TRIM36: variants seen among roughly 807,000 people sequenced by gnomAD.
TRIM36 encodes the protein tripartite motif containing 36.
TRIM36 carries 42 observed loss-of-function variants against 72.4 expected under a neutral mutation model. The observed-to-expected ratio is 0.58, with a 90% CI of 0.45 to 0.75. TRIM36 has a LOEUF of 0.75. Ranked by LOEUF, TRIM36 falls within the 30% of genes least tolerant of loss-of-function variation. The pLI, the probability that TRIM36 is intolerant of heterozygous loss-of-function variation, is 0.00. For missense variants in TRIM36, 913 were observed against 857.1 expected, an observed-to-expected ratio of 1.07 and a Z score of -0.81; for synonymous variants, 315 against 282.8, an observed-to-expected ratio of 1.11 and a Z score of -1.14.
intron 2 of TRIM36, among the ~76,000 whole-genome samples, chr5:115,160,464 T>A (rs1304162803): frequency 2.0e-5 from 3 of 152,218 alleles, no homozygotes; most frequent in African/African-American, 7.2e-5. Flanking sequence ...CTAGCCACAT[T>A]TCAACCACTT....
chr5:115,154,367 G>GAA (rs939300088), intron 2 of TRIM36, among the ~76,000 whole-genome samples: 1 of 141,748 alleles, frequency 7.1e-6, no homozygotes, highest in African/African-American at 2.6e-5. Flanking sequence ...TGAAACAAAT[G>GAA]AAAAAAAAAA....
chr5:115,143,432 C>T (rs748085392), intron 4 of TRIM36, among the ~76,000 whole-genome samples: 5 of 151,450 alleles, frequency 3.3e-5, no homozygotes, highest in Non-Finnish European at 7.4e-5. Context: ...CAAAACTATC[C>T]AATAGCTGGC....
At chr5:115,145,240 G>C (rs1249359109) in intron 3 of TRIM36, among the ~76,000 whole-genome samples, 1 of 152,190 alleles carries the variant, frequency 6.6e-6, no homozygotes, top group Non-Finnish European at 1.5e-5. Flanking sequence ...TAAGCTTCTA[G>C]ATGTGTTTCC....
intron 2 of TRIM36, chr5:115,149,516 TC>T (rs1240521606): frequency 8.7e-6 from 1 of 114,940 alleles, no homozygotes; most frequent in Non-Finnish European, 1.7e-5. Flanking sequence ...GACAACAAAA[TC>T]AAGCTTTAAC....
At chr5:115,165,001 T>C (rs970978431) in intron 1 of TRIM36, among the ~76,000 whole-genome samples, 8 of 152,220 alleles carry the variant, frequency 5.3e-5, no homozygotes, top group Admixed American at 1.3e-4. Context: ...AGGACAGTTA[T>C]TAAGTCATAA....
intron 1 of TRIM36, among the ~76,000 whole-genome samples, chr5:115,165,703 C>A (rs1754728693): frequency 6.6e-6 from 1 of 152,170 alleles, no homozygotes; most frequent in Non-Finnish European, 1.5e-5. Flanking sequence ...GCCCTTCTCC[C>A]TTCCGAGTTG....
chr5:115,175,517 C>T (rs1755290903), intron 1 of TRIM36, among the ~76,000 whole-genome samples: 2 of 152,210 alleles, frequency 1.3e-5, no homozygotes, highest in African/African-American at 4.8e-5. Context: ...TACTAAAAAG[C>T]CAGGATTCAA....
chr5:115,136,808 A>C (rs1386869769), intron 7 of TRIM36, among the ~76,000 whole-genome samples, 192 bp downstream of exon 7: 1 of 152,200 alleles, frequency 6.6e-6, no homozygotes, highest in African/African-American at 2.4e-5. Flanking sequence ...ACACAAACTA[A>C]TGGAACATAG....
intron 7 of TRIM36, among the ~76,000 whole-genome samples, chr5:115,135,326 T>A (rs1432928222): frequency 1.3e-5 from 2 of 152,188 alleles, no homozygotes; most frequent in East Asian, 3.9e-4. Context: ...CTGTGTATGC[T>A]GCATTTATAC....
chr5:115,160,824 TAACA>T lies in TRIM36; in HGVS notation c.262+2690_262+2693del, dbSNP rs1194488062. On this transcript the variant is annotated intron_variant, in intron 2 of 9. Transcript: ENST00000513154. Reference sequence around the variant, plus strand: ...TCAAGCCATTGCACTCCAGCCCAGGTAACAAACAGAGTGAGACCCTGTCTCAAAT... The same window carrying T: ...TCAAGCCATTGCACTCCAGCCCAGGTAACAGAGTGAGACCCTGTCTCAAAT... Among the ~76,000 whole-genome samples, 30 of 152,106 alleles carry T rather than the reference TAACA, an allele frequency of 2.0e-4. 1 individual carries two copies. Among genetic ancestry groups the T allele is most frequent in the Admixed American group, 1.9e-3 (29 of 15,258 alleles).
chr5:115,149,569 G>C (rs1210713363), intron 2 of TRIM36: 1 of 19,276 alleles, frequency 5.2e-5, no homozygotes, highest in Non-Finnish European at 8.9e-5. Context: ...TCAGAAATTT[G>C]AAAAAAAAAA....
In TRIM36 at chr5:115,126,637, T is replaced by C. The variant is rs1184838275; in HGVS notation, c.2017A>G (p.Met673Val). 3.1e-6 allele frequency: 5 copies of C among 1,614,190 alleles called. No homozygotes were observed. The highest frequency in any genetic ancestry group is 3.4e-6 in the Non-Finnish European group (4 of 1,180,022). ...ACTTGGCGTTCATAAAGGCATTTCA[T>C]CTGATCCATATCATAGAAATCTACT... ...GKVDFYDMDQ[M>V]KCLYERQVDC... The change falls in exon 10 of 10, where the codon ATG (methionine) becomes GTG (valine). Residue 673 changes from methionine to valine, a missense_variant. Coordinates refer to ENST00000513154, the MANE Select transcript of TRIM36 (RefSeq NM_001300759.2).
Position 115,147,373 on chromosome 5 carries a change from G to T in TRIM36, c.284C>A (p.Thr95Asn), listed in dbSNP as rs1451725266. 2 of 1,612,242 alleles carry T rather than the reference G, an allele frequency of 1.2e-6. No homozygotes were observed. Among genetic ancestry groups the T allele is most frequent in the East Asian group, 2.2e-5 (1 of 44,840 alleles). ...NRPGWKRNSL[T>N]PRTTVFPCPG... ...GCAAGGGAAAACAGTTGTCCTCGGG[G>T]TCAATGAATTGCGCTTCCAGCCTGT... The change falls in exon 3 of 10, where the codon ACC becomes AAC. Residue 95 changes from threonine (T) to asparagine (N), a missense_variant. Transcript: ENST00000513154.
rs757798741 is a variant in TRIM36, at chr5:115,134,162, A to T, written c.1211-15T>A. The T allele has an allele frequency of 6.5e-7, 1 of 1,532,700 alleles. No homozygotes were observed. Among genetic ancestry groups the T allele is most frequent in the East Asian group, 2.3e-5 (1 of 43,802 alleles). The allele number at this position is 1,532,700 out of a possible 1,614,324, so 94.9% of individuals were successfully genotyped here. A position where few individuals can be genotyped will look rare whatever the true frequency, so the allele number is the denominator to read the frequency against. Reference sequence around the variant, plus strand: ...CACGTCTATGCCTGAAAGAATTATGAAATAGAAAACAACATTAAAATATTG... The same window carrying T: ...CACGTCTATGCCTGAAAGAATTATGTAATAGAAAACAACATTAAAATATTG... On this transcript the variant is annotated splice_polypyrimidine_tract_variant and intron_variant, in intron 7 of 9. Coordinates refer to ENST00000513154, the MANE Select transcript of TRIM36 (RefSeq NM_001300759.2).
intron 1 of TRIM36, among the ~76,000 whole-genome samples, chr5:115,179,175 G>A (rs3805588): frequency 0.24 from 36,649 of 152,114 alleles, 7,704 homozygotes; most frequent in African/African-American, 0.55. Flanking sequence ...GACACGTTCC[G>A]CCTGCAAACC....
chr5:115,162,159 A>T (rs1754520361), intron 2 of TRIM36, among the ~76,000 whole-genome samples: 1 of 152,180 alleles, frequency 6.6e-6, no homozygotes, highest in South Asian at 2.1e-4. Context: ...CATCTCCTGT[A>T]ACTGTTCTTT....
chr5:115,169,590 G>A lies in TRIM36; in HGVS notation c.27+18C>T. On this transcript the variant is annotated intron_variant, in intron 1 of 9. Transcript: ENST00000513154. ...ACACCGCCCTCGAGGTGGGGGCGGC[G>A]GTCCCCTCCGCACTCACCGGCGAAT... 1.3e-6 allele frequency: 2 copies of A among 1,508,680 alleles called. No homozygotes were observed. Among genetic ancestry groups the A allele is most frequent in the African/African-American group, 1.4e-5 (1 of 71,848 alleles). The allele number at this position is 1,508,680 out of a possible 1,614,324, so 93.5% of individuals were successfully genotyped here.
chr5:115,180,131 C>G, exon 1 of TRIM36: 1 of 1,245,184 alleles, frequency 8.0e-7, no homozygotes, highest in Non-Finnish European at 1.2e-6. Context: ...TGAGTTTTGC[C>G]GAGCTCCCCG....
Position 115,134,095 on chromosome 5 carries a change from G to C in TRIM36, c.1263C>G (p.Ala421=). Residue 421 remains alanine, a synonymous_variant, in exon 8 of 10, where the codon GCC becomes GCG. Transcript: ENST00000513154. ...NEEQSKVYNN[A]LINWHHPEKD... ...TTTCTGGATGGTGCCAATTTATCAA[G>C]GCATTGTTATAAACTTTGCTCTGTT... 6.2e-7 allele frequency: 1 copy of C among 1,612,742 alleles called. No individual in the cohort carries two copies. The highest frequency in any genetic ancestry group is 1.1e-5 in the South Asian group (1 of 90,776).
Sources: gnomAD v4.1 joint callset for allele counts (sites outside exome capture counted in the v4.1 genomes callset) on GRCh38, gnomAD v4.1.1 for gene constraint, MANE v1.5 for transcripts, NCBI Gene and HGNC (gene_info 2026-07-23, HGNC 2026-07-21) for gene names.